Variants in GALNT7 observed in about 807,000 individuals in gnomAD.
GALNT7 encodes N-acetylgalactosaminyltransferase 7.
A neutral mutation model predicts 82.1 loss-of-function variants in GALNT7; 60 were observed. The observed-to-expected ratio is 0.73, with a 90% CI of 0.59 to 0.91. The LOEUF is 0.91. GALNT7 is among the 40% of genes least tolerant of loss of function. The pLI is 0.00. For synonymous variants in GALNT7, 243 were observed against 275.1 expected (o/e 0.88, Z 1.15); for missense variants, 660 against 804.2 (o/e 0.82, Z 2.17).
At chr4:173,310,452 C>G (rs1405372472) in intron 8 of GALNT7, among the ~76,000 whole-genome samples, 2 of 152,156 alleles carry the variant, frequency 1.3e-5, no homozygotes, top group Non-Finnish European at 2.9e-5. Context: ...TCTTTGCCAT[C>G]AAGTTCAACC....
At chr4:173,202,794 T>C (rs948983577) in intron 1 of GALNT7, among the ~76,000 whole-genome samples, 10 of 152,226 alleles carry the variant, frequency 6.6e-5, no homozygotes, top group Admixed American at 4.6e-4. Context: ...AAATTTATAT[T>C]GTCTGTCTCT....
chr4:173,247,455 C>T (rs151061451), intron 1 of GALNT7, among the ~76,000 whole-genome samples: 85 of 151,774 alleles, frequency 5.6e-4, no homozygotes, highest in African/African-American at 1.8e-3. Flanking sequence ...AATACCAAAT[C>T]GGGACTCTGC....
intron 1 of GALNT7, among the ~76,000 whole-genome samples, chr4:173,202,130 A>C (rs1315417428): frequency 6.6e-6 from 1 of 152,148 alleles, no homozygotes; most frequent in Non-Finnish European, 1.5e-5. Context: ...GTATAATATA[A>C]ATTCTTTTTA....
intron 1 of GALNT7, among the ~76,000 whole-genome samples, chr4:173,176,004 C>G (rs923530723): frequency 6.6e-6 from 1 of 151,704 alleles, no homozygotes; most frequent in Admixed American, 6.6e-5. Context: ...AGCCAGGAGG[C>G]GGAGGTTGCA....
chr4:173,175,144 T>A (rs2126618435), intron 1 of GALNT7, among the ~76,000 whole-genome samples: 1 of 152,380 alleles, frequency 6.6e-6, no homozygotes, highest in Non-Finnish European at 1.5e-5. Flanking sequence ...CCTAACTAGA[T>A]AATTGTCTTT....
intron 1 of GALNT7, among the ~76,000 whole-genome samples, chr4:173,211,732 G>T (rs749107555): frequency 6.6e-6 from 1 of 152,212 alleles, no homozygotes; most frequent in Non-Finnish European, 1.5e-5. Context: ...GGGCATGACC[G>T]TGTAGATTTT....
intron 2 of GALNT7, among the ~76,000 whole-genome samples, chr4:173,269,312 C>T (rs984047810): frequency 1.1e-4 from 16 of 152,142 alleles, no homozygotes; most frequent in African/African-American, 3.9e-4. Context: ...ATATGTTCCG[C>T]CCATAATTCA....
intron 2 of GALNT7, among the ~76,000 whole-genome samples, chr4:173,285,723 G>T (rs1246722240): frequency 6.6e-6 from 1 of 152,188 alleles, no homozygotes; most frequent in Non-Finnish European, 1.5e-5. Context: ...ACAGACAGAA[G>T]AAGATCCAGC....
intron 1 of GALNT7, among the ~76,000 whole-genome samples, chr4:173,241,266 A>C (rs963631791): frequency 6.6e-6 from 1 of 151,980 alleles, no homozygotes; most frequent in Non-Finnish European, 1.5e-5. Flanking sequence ...TCTAATGAGC[A>C]TGTAGTATTT....
intron 1 of GALNT7, among the ~76,000 whole-genome samples, chr4:173,202,569 C>T (rs1216888872): frequency 6.6e-6 from 1 of 152,206 alleles, no homozygotes; most frequent in Non-Finnish European, 1.5e-5. Context: ...GTCAAAGTCT[C>T]GTTCAAATCC....
At chr4:173,298,938 T>G (rs1490178260) in intron 6 of GALNT7, among the ~76,000 whole-genome samples, 1 of 152,268 alleles carries the variant, frequency 6.6e-6, no homozygotes, top group African/African-American at 2.4e-5. Context: ...TGTCCCTTCT[T>G]GTGGTTCTTT....
At chr4:173,183,045 CA>C in intron 1 of GALNT7, among the ~76,000 whole-genome samples, 1 of 16,232 alleles carries the variant, frequency 6.2e-5, no homozygotes, top group African/African-American at 4.2e-4. Context: ...CACACATAAA[CA>C]CACACACACA....
At chr4:173,172,120 CT>C in intron 1 of GALNT7, among the ~76,000 whole-genome samples, 1 of 152,286 alleles carries the variant, frequency 6.6e-6, no homozygotes, top group Middle Eastern at 3.4e-3. Context: ...AGGAAGTACA[CT>C]TTGAAGAAGG....
intron 1 of GALNT7, among the ~76,000 whole-genome samples, chr4:173,208,289 T>G (rs898565990): frequency 6.6e-6 from 1 of 152,180 alleles, no homozygotes; most frequent in Non-Finnish European, 1.5e-5. Flanking sequence ...TTCTTTATAT[T>G]TTTGTTTTAG....
intron 1 of GALNT7, among the ~76,000 whole-genome samples, chr4:173,222,556 A>G (rs955416282): frequency 1.3e-5 from 2 of 152,214 alleles, no homozygotes; most frequent in African/African-American, 2.4e-5. Context: ...TAGCCATTCT[A>G]AACACTTCTT....
intron 6 of GALNT7, among the ~76,000 whole-genome samples, chr4:173,301,744 T>A (rs942960855): frequency 6.6e-6 from 1 of 152,228 alleles, no homozygotes; most frequent in Admixed American, 6.5e-5. Flanking sequence ...CTATTTTAAC[T>A]AAAACTAAGG....
At chr4:173,262,512 G>A (rs1202551671) in intron 2 of GALNT7, among the ~76,000 whole-genome samples, 1 of 152,160 alleles carries the variant, frequency 6.6e-6, no homozygotes, top group East Asian at 1.9e-4. Context: ...CTGAGAAACT[G>A]TCATATTTCC....
At chr4:173,194,074 A>T (rs1393005788) in intron 1 of GALNT7, among the ~76,000 whole-genome samples, 1 of 152,212 alleles carries the variant, frequency 6.6e-6, no homozygotes, top group African/African-American at 2.4e-5. Context: ...TTGATAGTCT[A>T]GGAACCAATT....
At chr4:173,209,826 GCAC>G (rs980029530) in intron 1 of GALNT7, among the ~76,000 whole-genome samples, 1 of 152,186 alleles carries the variant, frequency 6.6e-6, no homozygotes, top group Non-Finnish European at 1.5e-5. Flanking sequence ...GCAGAATTAG[GCAC>G]CTAGCAATTT....
Sources: gnomAD v4.1 joint callset for allele counts (sites outside exome capture counted in the v4.1 genomes callset) on GRCh38, gnomAD v4.1.1 for gene constraint, MANE v1.5 for transcripts, NCBI Gene and HGNC (gene_info 2026-07-23, HGNC 2026-07-21) for gene names.